Variants in FSTL4 observed in about 807,000 individuals in gnomAD.
The protein encoded by FSTL4 is follistatin-related protein 4.
Under a neutral mutation model 78.2 loss-of-function variants are expected in FSTL4, and 28 were observed. That is an observed-to-expected ratio of 0.36 (90% CI 0.27 to 0.49). FSTL4 has a LOEUF of 0.49. Among genes scored for constraint, FSTL4 ranks in the 20% least tolerant of loss-of-function variants. The pLI, the probability that FSTL4 is intolerant of heterozygous loss-of-function variation, is 0.98. For missense variants in FSTL4, 922 were observed against 1,084.9 expected (o/e 0.85, Z 2.11); for synonymous variants, 422 against 440.5 (o/e 0.96, Z 0.53).
intron 14 of FSTL4, among the ~76,000 whole-genome samples, chr5:133,209,409 A>C (rs868320487): frequency 1.8e-4 from 28 of 152,170 alleles, no homozygotes; most frequent in Admixed American, 5.9e-4. Flanking sequence ...AGAGAGAGAG[A>C]GACCCTAATC....
chr5:133,644,148 G>T, the FSTL4 span, among the ~76,000 whole-genome samples: 1 of 152,126 alleles, frequency 6.6e-6, no homozygotes, highest in Non-Finnish European at 1.5e-5. Context: ...AGAAAAGAAG[G>T]TTCACTGGAC....
intron 3 of FSTL4, among the ~76,000 whole-genome samples, chr5:133,470,933 G>T (rs1362391764): frequency 6.6e-6 from 1 of 151,934 alleles, no homozygotes; most frequent in African/African-American, 2.4e-5. Flanking sequence ...AAAAGTAACA[G>T]AAAATATTGA....
At chr5:133,215,069 A>ATGAC (rs1369210608) in intron 13 of FSTL4, among the ~76,000 whole-genome samples, 1 of 152,200 alleles carries the variant, frequency 6.6e-6, no homozygotes, top group African/African-American at 2.4e-5. Flanking sequence ...AAGGTGATCC[A>ATGAC]TGACTCTATT....
At chr5:133,231,043 G>A (rs1560084) in intron 8 of FSTL4, among the ~76,000 whole-genome samples, 151,088 of 152,086 alleles carry the variant, frequency 0.99, 75,048 homozygotes, top group Middle Eastern at 1. Context: ...GATCATTCTC[G>A]TGTCACACCC....
the FSTL4 span, among the ~76,000 whole-genome samples, chr5:133,725,937 G>A: frequency 3.6e-3 from 550 of 152,240 alleles, 3 homozygotes; most frequent in African/African-American, 0.013. Flanking sequence ...GAGTTAAAGC[G>A]TGAAACAACA....
the FSTL4 span, among the ~76,000 whole-genome samples, chr5:133,769,288 T>C: frequency 6.6e-6 from 1 of 152,186 alleles, no homozygotes; most frequent in Non-Finnish European, 1.5e-5. Context: ...TGGCTGGAAA[T>C]GTGCCCAATA....
At chr5:133,386,124 T>C (rs1755696501) in intron 4 of FSTL4, among the ~76,000 whole-genome samples, 1 of 152,210 alleles carries the variant, frequency 6.6e-6, no homozygotes, top group African/African-American at 2.4e-5. Context: ...GTCCTTACCC[T>C]GAAGGGCTGT....
chr5:133,216,773 G>T (rs150126933), intron 13 of FSTL4, among the ~76,000 whole-genome samples: 1 of 152,310 alleles, frequency 6.6e-6, no homozygotes, highest in East Asian at 1.9e-4. Context: ...CTTTGTTTTA[G>T]CTCCTGACTG....
chr5:133,579,545 A>T (rs1760357446), intron 2 of FSTL4, among the ~76,000 whole-genome samples: 1 of 152,050 alleles, frequency 6.6e-6, no homozygotes, highest in Non-Finnish European at 1.5e-5. Context: ...TGTCTGGGGG[A>T]GGAGAGAGGA....
intron 14 of FSTL4, among the ~76,000 whole-genome samples, chr5:133,205,761 G>C (rs1229379574): frequency 6.8e-6 from 1 of 146,768 alleles, no homozygotes; most frequent in Non-Finnish European, 1.5e-5. Context: ...GTAAACAGTG[G>C]TAGTTTGCAT....
chr5:133,275,881 A>G (rs922864455), intron 6 of FSTL4: 5 of 152,236 alleles, frequency 3.3e-5, no homozygotes, highest in African/African-American at 1.2e-4. Context: ...GGAGAACAAC[A>G]GCAGCCTGCC....
At chr5:133,398,229 G>C (rs563665039) in intron 4 of FSTL4, among the ~76,000 whole-genome samples, 1 of 152,276 alleles carries the variant, frequency 6.6e-6, no homozygotes, top group African/African-American at 2.4e-5. Flanking sequence ...TGTTTGCTGG[G>C]CACTCCCTAT....
intron 6 of FSTL4, among the ~76,000 whole-genome samples, chr5:133,259,837 C>T (rs1050624591): frequency 1.3e-5 from 2 of 152,008 alleles, no homozygotes; most frequent in Admixed American, 6.5e-5. Flanking sequence ...GAATGACTCC[C>T]GTGTTCCTGA....
At chr5:133,381,142 C>T (rs1755558060) in intron 4 of FSTL4, among the ~76,000 whole-genome samples, 1 of 152,174 alleles carries the variant, frequency 6.6e-6, no homozygotes, top group South Asian at 2.1e-4. Context: ...GAGTGAAGTA[C>T]AGTGCCTAGA....
the FSTL4 span, among the ~76,000 whole-genome samples, chr5:133,687,997 G>A: frequency 1.3e-5 from 2 of 152,234 alleles, no homozygotes; most frequent in Non-Finnish European, 2.9e-5. Context: ...ATAGAAGGCA[G>A]ACCCTTTAAA....
At chr5:133,490,133 GTT>G (rs572818952) in intron 3 of FSTL4, among the ~76,000 whole-genome samples, 1 of 144,250 alleles carries the variant, frequency 6.9e-6, no homozygotes, top group African/African-American at 2.5e-5. Context: ...TTGCCTCATT[GTT>G]TTTTTTTTTT....
Position 133,519,606 on chromosome 5 carries a change from T to C in FSTL4, c.160+47580A>G, listed in dbSNP as rs774187088. On this transcript the variant is annotated intron_variant, in intron 3 of 15. Coordinates refer to ENST00000265342, the MANE Select transcript of FSTL4 (RefSeq NM_015082.2). The stretch of plus-strand genomic sequence containing the variant: ...CCGAGAAGGGCAATAGCAGTAATGA[T>C]GGTGCCTGGGCCCCTTTGGTATTTT... Among the ~76,000 whole-genome samples, 43 of 152,376 alleles carry C rather than the reference T, an allele frequency of 2.8e-4. 1 individual carries two copies. The highest frequency in any genetic ancestry group is 3.4e-3 in the Middle Eastern group (1 of 294).
the FSTL4 span, among the ~76,000 whole-genome samples, chr5:133,622,023 A>T: frequency 5.8e-4 from 88 of 152,134 alleles, no homozygotes; most frequent in South Asian, 0.011. Flanking sequence ...TGGCTTTTTT[A>T]TGCCCATCCC....
the FSTL4 span, among the ~76,000 whole-genome samples, chr5:133,684,228 CA>C: frequency 1.8e-3 from 272 of 152,300 alleles, no homozygotes; most frequent in Middle Eastern, 0.01. Context: ...CAAAAGATAG[CA>C]GGCGGGGATG....
Sources: gnomAD v4.1 joint callset for allele counts (sites outside exome capture counted in the v4.1 genomes callset) on GRCh38, gnomAD v4.1.1 for gene constraint, MANE v1.5 for transcripts, NCBI Gene and HGNC (gene_info 2026-07-23, HGNC 2026-07-21) for gene names.